TYW1B: variants seen among roughly 807,000 people sequenced by gnomAD.
The protein encoded by TYW1B is S-adenosyl-L-methionine-dependent tRNA 4-demethylwyosine synthase TYW1B.
A neutral mutation model predicts 86.9 loss-of-function variants in TYW1B; 73 were observed. That is an observed-to-expected ratio of 0.84 (90% CI 0.70 to 1.02). The LOEUF (loss-of-function observed/expected upper bound fraction) is 1.02, where lower values mean the gene tolerates loss of function less well. TYW1B is among the 50% of genes least tolerant of loss of function. TYW1B has a pLI of 0.00. For synonymous variants in TYW1B, 248 were observed against 292.8 expected, an observed-to-expected ratio of 0.85 and a Z score of 1.56; for missense variants, 637 against 827.4, an observed-to-expected ratio of 0.77 and a Z score of 2.82.
chr7:72,604,783 C>A (rs1387308599), intron 13 of TYW1B, among the ~76,000 whole-genome samples: 1 of 152,222 alleles, frequency 6.6e-6, no homozygotes, highest in Non-Finnish European at 1.5e-5. Context: ...GAGGCCCACC[C>A]TCCCCTGTAG....
intron 13 of TYW1B, among the ~76,000 whole-genome samples, chr7:72,576,240 T>G (rs1468711040): frequency 5.3e-5 from 8 of 152,192 alleles, no homozygotes; most frequent in African/African-American, 1.9e-4. Context: ...AATATCTCAT[T>G]AGTGGAAAGC....
intron 9 of TYW1B, among the ~76,000 whole-genome samples, chr7:72,715,216 G>C (rs1308087649): frequency 2.0e-5 from 3 of 151,988 alleles, no homozygotes; most frequent in African/African-American, 7.3e-5. Context: ...ATTCCAATGT[G>C]TAGACAAGTT....
chr7:72,700,388 C>T (rs1814437469), intron 10 of TYW1B, among the ~76,000 whole-genome samples: 1 of 151,756 alleles, frequency 6.6e-6, no homozygotes, highest in Non-Finnish European at 1.5e-5. Context: ...ATTGGCCAGG[C>T]TGTTCTTGAA....
chr7:72,743,106 T>A (rs1308611119), intron 8 of TYW1B, among the ~76,000 whole-genome samples: 1 of 152,016 alleles, frequency 6.6e-6, no homozygotes, highest in Non-Finnish European at 1.5e-5. Flanking sequence ...AGAGAAGATA[T>A]GCAACAGGAA....
At chr7:72,636,012 C>T (rs1225901853) in intron 11 of TYW1B, among the ~76,000 whole-genome samples, 1 of 152,076 alleles carries the variant, frequency 6.6e-6, no homozygotes, top group Admixed American at 6.6e-5. Context: ...CTAGTGGCTA[C>T]CATAATTAAA....
At chr7:72,708,722 T>C (rs1368984736) in intron 10 of TYW1B, among the ~76,000 whole-genome samples, 3 of 152,144 alleles carry the variant, frequency 2.0e-5, no homozygotes, top group African/African-American at 4.8e-5. Context: ...CTTAGAAAAC[T>C]TTTTCTTTCT....
At chr7:72,664,662 A>G (rs71553262) in intron 11 of TYW1B, among the ~76,000 whole-genome samples, 3,400 of 152,288 alleles carry the variant, frequency 0.022, 67 homozygotes, top group South Asian at 0.062. Flanking sequence ...CAGGCTTAAT[A>G]CCTGGATGAT....
chr7:72,593,482 A>G (rs1162930365), intron 13 of TYW1B, among the ~76,000 whole-genome samples: 3 of 152,040 alleles, frequency 2.0e-5, no homozygotes, highest in Non-Finnish European at 4.4e-5. Flanking sequence ...AAAAACATAG[A>G]TATCATACAA....
chr7:72,613,404 T>C (rs1236506140), intron 13 of TYW1B, among the ~76,000 whole-genome samples: 2 of 125,662 alleles, frequency 1.6e-5, no homozygotes, highest in Non-Finnish European at 3.5e-5. Flanking sequence ...ATATCTTCTT[T>C]TTTTTTTTTT....
intron 10 of TYW1B, among the ~76,000 whole-genome samples, chr7:72,708,189 A>G (rs1342038779): frequency 3.9e-5 from 6 of 152,172 alleles, no homozygotes; most frequent in African/African-American, 1.4e-4. Flanking sequence ...CCTTTTAGGG[A>G]AAGGTTTAGT....
chr7:72,765,160 TG>T (rs1787749205), intron 7 of TYW1B, among the ~76,000 whole-genome samples: 1 of 152,164 alleles, frequency 6.6e-6, no homozygotes, highest in Non-Finnish European at 1.5e-5. Flanking sequence ...TCAGTAAAAA[TG>T]GTCACTTCCT....
chr7:72,704,471 A>G (rs2129570527), intron 10 of TYW1B, among the ~76,000 whole-genome samples: 1 of 142,470 alleles, frequency 7.0e-6, no homozygotes, highest in African/African-American at 2.6e-5. Context: ...CATCTTGGCC[A>G]GGCATGGTGG....
intron 11 of TYW1B, among the ~76,000 whole-genome samples, chr7:72,683,164 G>T (rs1813918512): frequency 6.6e-6 from 1 of 152,162 alleles, no homozygotes; most frequent in African/African-American, 2.4e-5. Flanking sequence ...TTCCATGTAA[G>T]AAAAGGGAAA....
At position 72,752,732 on chromosome 7, in the gene TYW1B, AAAACAAAC is replaced by A. The variant is rs143294618; in HGVS notation, c.965-8139_965-8132del. 2.8e-4 allele frequency among the ~76,000 whole-genome samples: 42 copies of A among 150,780 alleles called. No individual in the cohort carries two copies. In the East Asian group the frequency reaches 6.8e-3, roughly 25 times the overall value. On this transcript the variant is annotated intron_variant, in intron 7 of 13. Transcript: ENST00000620995. ...GGCGACAGAATGAGACTCCGTCTCA[AAAACAAAC>A]AAACAAACAAACAAACAAAAAAACC...
At chr7:72,716,319 T>C (rs552861165) in intron 9 of TYW1B, among the ~76,000 whole-genome samples, 3 of 152,236 alleles carry the variant, frequency 2.0e-5, no homozygotes, top group African/African-American at 7.2e-5. Context: ...TTAAATGAGA[T>C]AATGCATGTA....
chr7:72,655,425 C>T (rs1196270615), intron 11 of TYW1B, among the ~76,000 whole-genome samples: 1 of 152,160 alleles, frequency 6.6e-6, no homozygotes, highest in Non-Finnish European at 1.5e-5. Flanking sequence ...CCGTATTGAG[C>T]TCAACCCCCA....
chr7:72,644,246 T>C (rs1306059041), intron 11 of TYW1B, among the ~76,000 whole-genome samples: 2 of 152,094 alleles, frequency 1.3e-5, no homozygotes, highest in African/African-American at 2.4e-5. Flanking sequence ...TATGGTGGAG[T>C]ATTTATAAAA....
chr7:72,788,521 CTTTGT>C (rs1438462459), intron 6 of TYW1B, among the ~76,000 whole-genome samples: 2 of 151,984 alleles, frequency 1.3e-5, no homozygotes, highest in Non-Finnish European at 1.5e-5. Context: ...TGAGTATTTC[CTTTGT>C]TTTGTTTGTT....
chr7:72,584,058 T>C (rs782686312), intron 13 of TYW1B, among the ~76,000 whole-genome samples: 31 of 152,218 alleles, frequency 2.0e-4, no homozygotes, highest in Non-Finnish European at 3.1e-4. Context: ...TGTTTTGTTT[T>C]GTTTTAGAGA....
Sources: allele counts gnomAD v4.1 joint callset (sites outside exome capture counted in the v4.1 genomes callset), GRCh38; gene constraint gnomAD v4.1.1; transcripts MANE v1.5; gene names NCBI Gene and HGNC (gene_info 2026-07-23, HGNC 2026-07-21).